UTS2B: variants seen among roughly 807,000 people sequenced by gnomAD.
UTS2B encodes the protein urotensin-2B.
A neutral mutation model predicts 19.2 loss-of-function variants in UTS2B; 21 were observed. That is an observed-to-expected ratio of 1.09 (90% CI 0.78 to 1.58). The LOEUF is 1.58. Among genes scored for constraint, UTS2B ranks in the 40% most tolerant of loss-of-function variants. UTS2B has a pLI of 0.00. For missense variants in UTS2B, 138 were observed against 130.3 expected (o/e 1.06, Z -0.29); for synonymous variants, 57 against 50.2 (o/e 1.14, Z -0.58).
intron 2 of UTS2B, among the ~76,000 whole-genome samples, chr3:191,322,041 CAT>C (rs1385816698): frequency 1.5e-5 from 2 of 135,514 alleles, no homozygotes; most frequent in African/African-American, 6.5e-5. Flanking sequence ...AATATATATA[CAT>C]ATATATGTGT....
At chr3:191,328,884 T>C (rs1708642437) in intron 1 of UTS2B, 175 bp from the exon 2 acceptor site, 2 of 152,248 alleles carry the variant, frequency 1.3e-5, no homozygotes, top group Admixed American at 6.5e-5. Flanking sequence ...GTGTACACAC[T>C]CTACTCCAAA....
chr3:191,287,982 T>A (rs1224607807), intron 4 of UTS2B, among the ~76,000 whole-genome samples: 1 of 152,126 alleles, frequency 6.6e-6, no homozygotes, highest in Non-Finnish European at 1.5e-5. Flanking sequence ...ATCACTGGCC[T>A]CTGTATATAC....
rs570450644 is a variant in UTS2B at position 191,325,164 on chromosome 3, A to C, written c.-586+3467T>G. 3.3e-5 allele frequency among the ~76,000 whole-genome samples: 5 copies of C among 152,342 alleles called. 1 individual carries two copies. The East Asian group carries it at 9.6e-4, about 29-fold the overall frequency. On this transcript the variant is annotated intron_variant, in intron 2 of 8. Transcript: ENST00000340524. Reference sequence around the variant, plus strand: ...AAATCATCAAGTGTTCTGTGATGACAGAGAGTGAGAAAAAAAGGTCTCATC... The same window carrying C: ...AAATCATCAAGTGTTCTGTGATGACCGAGAGTGAGAAAAAAAGGTCTCATC...
At chr3:191,327,404 C>T (rs922312759) in intron 2 of UTS2B, among the ~76,000 whole-genome samples, 3 of 152,014 alleles carry the variant, frequency 2.0e-5, no homozygotes, top group African/African-American at 2.4e-5. Context: ...GGCTGAGGCA[C>T]GAGAATCACT....
chr3:191,305,294 A>G (rs1240952355), intron 3 of UTS2B, among the ~76,000 whole-genome samples: 1 of 152,164 alleles, frequency 6.6e-6, no homozygotes, highest in Non-Finnish European at 1.5e-5. Context: ...ACAGTGTATA[A>G]GTGTTCCTTT....
At chr3:191,300,512 T>G (rs188221174) in intron 4 of UTS2B, among the ~76,000 whole-genome samples, 1 of 152,360 alleles carries the variant, frequency 6.6e-6, no homozygotes, top group Non-Finnish European at 1.5e-5. Flanking sequence ...GACTAACTTT[T>G]GAGTGAATCC....
At chr3:191,295,986 T>C (rs1280877887) in intron 4 of UTS2B, among the ~76,000 whole-genome samples, 1 of 152,198 alleles carries the variant, frequency 6.6e-6, no homozygotes, top group Non-Finnish European at 1.5e-5. Flanking sequence ...GTTAATCTTT[T>C]GGAAATGTAA....
intron 4 of UTS2B, chr3:191,294,849 T>A (rs1716815113): frequency 6.6e-6 from 1 of 151,536 alleles, no homozygotes; most frequent in African/African-American, 2.4e-5. Flanking sequence ...AACAACATGG[T>A]AAAATCCCAT....
intron 6 of UTS2B, 50 bp downstream of exon 6, chr3:191,278,022 A>G: frequency 1.0e-6 from 1 of 990,122 alleles, no homozygotes; most frequent in East Asian, 2.9e-5. Flanking sequence ...TCAAGACAAA[A>G]TAAATTGTTA....
chr3:191,288,445 A>G (rs1376086155), intron 4 of UTS2B, among the ~76,000 whole-genome samples: 1 of 152,266 alleles, frequency 6.6e-6, no homozygotes, highest in East Asian at 1.9e-4. Context: ...CAAATGGAAT[A>G]GTATAGAAAT....
rs557119141 is a variant in UTS2B at position 191,284,041 on chromosome 3, TGA to T, written c.-124-1730_-124-1729del. ...TAATTACAAGTCATATACTTAAAAA[TGA>T]GATATAAAATAATAAATCTAATCAA... On this transcript the variant is annotated intron_variant, in intron 4 of 8. Transcript: ENST00000340524. Among the ~76,000 whole-genome samples, 5 of 152,140 alleles carry T rather than the reference TGA, an allele frequency of 3.3e-5. No individual in the cohort carries two copies. In the East Asian group the frequency reaches 9.6e-4, roughly 29 times the overall value.
chr3:191,286,777 TAAATG>T (rs1360288639), intron 4 of UTS2B, among the ~76,000 whole-genome samples: 1 of 151,246 alleles, frequency 6.6e-6, no homozygotes, highest in East Asian at 1.9e-4. Flanking sequence ...AGAGCAGAAA[TAAATG>T]AAATAGAGAC....
At chr3:191,328,247 T>C (rs1459663155) in intron 2 of UTS2B, 1 of 152,128 alleles carries the variant, frequency 6.6e-6, no homozygotes, top group Non-Finnish European at 1.5e-5. Flanking sequence ...TGACAGAAAA[T>C]CAACTATTAC....
chr3:191,341,521 G>T, the UTS2B span, among the ~76,000 whole-genome samples: 1 of 152,108 alleles, frequency 6.6e-6, no homozygotes, highest in African/African-American at 2.4e-5. Context: ...CCAGGTTGTT[G>T]CTCTGTATAC....
At chr3:191,302,187 C>T (rs533196311) in intron 4 of UTS2B, among the ~76,000 whole-genome samples, 1 of 152,282 alleles carries the variant, frequency 6.6e-6, no homozygotes, top group African/African-American at 2.4e-5. Flanking sequence ...CCATTGTAAG[C>T]TAATTGTAAT....
chr3:191,323,958 G>T (rs1281700013), intron 2 of UTS2B, among the ~76,000 whole-genome samples: 1 of 152,186 alleles, frequency 6.6e-6, no homozygotes, highest in East Asian at 1.9e-4. Flanking sequence ...GGCGGAGATG[G>T]TGCGATGGCT....
rs72344345 is a variant in UTS2B at position 191,295,031 on chromosome 3, AAAC to A, written c.-125+9458_-125+9460del. ...GGGTGACAGAGTAAGACTCCGTCTT[AAAC>A]AACAACAACAACAACAACAAACTTT... On this transcript the variant is annotated intron_variant, in intron 4 of 8. Coordinates refer to ENST00000340524, the MANE Select transcript of UTS2B (RefSeq NM_198152.5). 3.3e-3 allele frequency among the ~76,000 whole-genome samples: 495 copies of A among 151,216 alleles called. 12 individuals are homozygous for A. The highest frequency in any genetic ancestry group is 0.011 in the African/African-American group (468 of 41,030).
chr3:191,300,261 G>A (rs550251341), intron 4 of UTS2B, among the ~76,000 whole-genome samples: 26 of 152,092 alleles, frequency 1.7e-4, no homozygotes, highest in African/African-American at 6.3e-4. Flanking sequence ...TGTTGGCCAG[G>A]CTGGTCTCAA....
intron 4 of UTS2B, among the ~76,000 whole-genome samples, chr3:191,301,785 G>A (rs534736411): frequency 2.7e-4 from 41 of 152,230 alleles, no homozygotes; most frequent in Admixed American, 1.2e-3. Context: ...CACCACGCCC[G>A]GCCAATTTTT....
Sources: gnomAD v4.1 joint callset for allele counts (sites outside exome capture counted in the v4.1 genomes callset) on GRCh38, gnomAD v4.1.1 for gene constraint, MANE v1.5 for transcripts, NCBI Gene and HGNC (gene_info 2026-07-23, HGNC 2026-07-21) for gene names.